The following GLI2 variants were observed in gnomAD, a reference collection of about 807,000 sequenced individuals.
GLI2 encodes the protein transcription activator GLI2.
GLI2 carries 22 observed loss-of-function variants against 78.9 expected under a neutral mutation model. The observed-to-expected ratio is 0.28, with a 90% CI of 0.20 to 0.40. The LOEUF is 0.40. GLI2 is among the 10% of genes least tolerant of loss of function. The pLI is 1.00. For synonymous variants in GLI2, 974 were observed against 963.7 expected, an observed-to-expected ratio of 1.01 and a Z score of -0.20; for missense variants, 2,097 against 2,213.2, an observed-to-expected ratio of 0.95 and a Z score of 1.05.
intron 2 of GLI2, among the ~76,000 whole-genome samples, chr2:120,846,799 C>T (rs901699009): frequency 2.0e-5 from 3 of 152,210 alleles, no homozygotes; most frequent in Non-Finnish European, 2.9e-5. Context: ...CTATAAAACC[C>T]ATGTTTCTAG....
At position 120,978,396 on chromosome 2, in the gene GLI2, G is replaced by T. The variant is rs745801779; in HGVS notation, c.1318-38G>T. On this transcript the variant is annotated intron_variant, in intron 9 of 13. Transcript: ENST00000361492. ...GCAGGGGGTGGTCTGTGGGCCTCTG[G>T]CCCTGCTTACCCTCTTCTGGGCATG... 6 of 1,613,388 alleles carry T rather than the reference G, an allele frequency of 3.7e-6. No homozygotes were observed. The South Asian group carries it at 5.5e-5, about 15-fold the overall frequency.
intron 2 of GLI2, among the ~76,000 whole-genome samples, chr2:120,802,278 C>T (rs1684743199): frequency 6.6e-6 from 1 of 152,188 alleles, no homozygotes. Flanking sequence ...CAGAGCATGG[C>T]TGGGCTGGAC....
intron 6 of GLI2, 116 bp from the exon 7 acceptor site, chr2:120,970,277 G>GGCTA (rs1397058285): frequency 4.5e-6 from 3 of 667,238 alleles, no homozygotes; most frequent in Non-Finnish European, 8.3e-6. Flanking sequence ...GTGATGGTGG[G>GGCTA]GCTAGCAACA....
chr2:120,958,300 T>A (rs1395211589), intron 5 of GLI2, among the ~76,000 whole-genome samples: 3 of 152,166 alleles, frequency 2.0e-5, no homozygotes, highest in African/African-American at 7.2e-5. Flanking sequence ...TTTCCACCAG[T>A]ATATCTTTCC....
intron 2 of GLI2, among the ~76,000 whole-genome samples, chr2:120,835,312 G>C (rs985111109): frequency 6.6e-5 from 10 of 152,046 alleles, no homozygotes; most frequent in African/African-American, 2.4e-4. Flanking sequence ...GCAGCCTTAG[G>C]GAAGATTGGC....
intron 4 of GLI2, 85 bp from the exon 5 acceptor site, chr2:120,955,153 CTTTTTTT>C (rs869202442): frequency 7.3e-4 from 107 of 147,000 alleles, no homozygotes; most frequent in Middle Eastern, 4.8e-3. Flanking sequence ...TTCTCTCTGC[CTTTTTTT>C]TTTTTTTTTT....
intron 10 of GLI2, among the ~76,000 whole-genome samples, chr2:120,980,656 C>T (rs1261884527): frequency 1.3e-5 from 2 of 152,142 alleles, no homozygotes; most frequent in Non-Finnish European, 2.9e-5. Flanking sequence ...TTTTTAATTG[C>T]TTGTGCTTTT....
intron 2 of GLI2, among the ~76,000 whole-genome samples, chr2:120,813,266 G>A (rs1685342815): frequency 1.3e-5 from 2 of 152,228 alleles, no homozygotes; most frequent in Admixed American, 1.3e-4. Context: ...GTTTCCCTGT[G>A]CTGTGGTTCT....
chr2:120,828,306 T>C (rs1686187686), intron 2 of GLI2, among the ~76,000 whole-genome samples: 2 of 152,242 alleles, frequency 1.3e-5, no homozygotes, highest in Admixed American at 6.5e-5. Flanking sequence ...AAAGCACCTG[T>C]GAGGCCAGCC....
intron 1 of GLI2, among the ~76,000 whole-genome samples, chr2:120,746,506 G>T (rs1446757069): frequency 6.6e-6 from 1 of 152,152 alleles, no homozygotes; most frequent in African/African-American, 2.4e-5. Context: ...TTTCCCAGTG[G>T]CCCAGAGCCA....
At chr2:120,741,729 G>A (rs1339456884) in intron 1 of GLI2, among the ~76,000 whole-genome samples, 1 of 152,006 alleles carries the variant, frequency 6.6e-6, no homozygotes, top group African/African-American at 2.4e-5. Flanking sequence ...TGCCGCGGCC[G>A]GGGGACATTC....
At chr2:120,768,123 G>A (rs541514921) in intron 1 of GLI2, among the ~76,000 whole-genome samples, 28 of 152,342 alleles carry the variant, frequency 1.8e-4, no homozygotes, top group South Asian at 1.4e-3. Flanking sequence ...ATTAAAAGCT[G>A]CAGCATCTAC....
chr2:120,796,022 C>G (rs1403395773), intron 1 of GLI2, among the ~76,000 whole-genome samples: 1 of 152,096 alleles, frequency 6.6e-6, no homozygotes, highest in African/African-American at 2.4e-5. Context: ...CCAGCCTGGG[C>G]AACAAGAGTG....
intron 6 of GLI2, among the ~76,000 whole-genome samples, chr2:120,969,869 G>T (rs546300058): frequency 1.3e-5 from 2 of 152,308 alleles, no homozygotes; most frequent in African/African-American, 4.8e-5. Context: ...GTCTTTTACG[G>T]CCCAACCACA....
intron 2 of GLI2, among the ~76,000 whole-genome samples, chr2:120,904,900 G>A (rs1360576462): frequency 1.3e-5 from 2 of 152,226 alleles, no homozygotes; most frequent in Admixed American, 6.5e-5. Flanking sequence ...AGAAGGGAGG[G>A]AGTTTGGCTG....
chr2:120,911,557 C>G (rs538884414), intron 2 of GLI2, among the ~76,000 whole-genome samples: 3 of 152,272 alleles, frequency 2.0e-5, no homozygotes, highest in South Asian at 4.1e-4. Context: ...TACTGGCCAC[C>G]CTTGTTATCC....
intron 3 of GLI2, among the ~76,000 whole-genome samples, chr2:120,948,697 G>A (rs534151393): frequency 2.6e-5 from 4 of 152,274 alleles, no homozygotes; most frequent in South Asian, 2.1e-4. Flanking sequence ...AAATCCCCAC[G>A]TGATCAATGG....
chr2:120,783,668 T>C (rs56888006), intron 1 of GLI2, among the ~76,000 whole-genome samples: 4,925 of 152,110 alleles, frequency 0.032, 235 homozygotes, highest in African/African-American at 0.11. Flanking sequence ...GTAGGGTGTG[T>C]CCTTAGCGGT....
chr2:120,970,659 A>T, intron 7 of GLI2, 53 bp downstream of exon 7: 1 of 1,421,368 alleles, frequency 7.0e-7, no homozygotes. Flanking sequence ...TGGACACATG[A>T]GGGTTGTTCA....
Sources: allele counts gnomAD v4.1 joint callset (sites outside exome capture counted in the v4.1 genomes callset), GRCh38; gene constraint gnomAD v4.1.1; transcripts MANE v1.5; gene names NCBI Gene and HGNC (gene_info 2026-07-23, HGNC 2026-07-21).